The following LRRTM4 variants were observed in gnomAD, a reference collection of about 807,000 sequenced individuals.
LRRTM4 encodes the protein leucine rich repeat transmembrane neuronal 4.
Under a neutral mutation model 47.6 loss-of-function variants are expected in LRRTM4, and 25 were observed. The ratio of observed to expected loss-of-function variants is 0.53; its 90% CI spans 0.38 to 0.73. LRRTM4 has a LOEUF of 0.73. LRRTM4 is among the 30% of genes least tolerant of loss of function. LRRTM4 has a pLI of 0.00. For missense variants in LRRTM4, 638 were observed against 713.4 expected (o/e 0.89, Z 1.20); for synonymous variants, 311 against 269.5 (o/e 1.15, Z -1.51).
intron 3 of LRRTM4, among the ~76,000 whole-genome samples, chr2:77,387,142 C>T (rs1367585503): frequency 6.6e-6 from 1 of 151,762 alleles, no homozygotes; most frequent in Non-Finnish European, 1.5e-5. Context: ...TATGGAGACG[C>T]TTTAAGAATT....
chr2:77,220,063 T>C (rs1674575135), intron 3 of LRRTM4, among the ~76,000 whole-genome samples: 1 of 152,112 alleles, frequency 6.6e-6, no homozygotes, highest in African/African-American at 2.4e-5. Flanking sequence ...TCTGCTGTTC[T>C]GCAACCACCG....
At chr2:76,998,487 C>T (rs1677284900) in intron 3 of LRRTM4, among the ~76,000 whole-genome samples, 13 of 151,992 alleles carry the variant, frequency 8.6e-5, no homozygotes, top group Non-Finnish European at 1.5e-5. Context: ...TGCACACACA[C>T]CACCCCTCCC....
chr2:76,756,742 C>A (rs1229423354), intron 3 of LRRTM4, among the ~76,000 whole-genome samples: 1 of 152,038 alleles, frequency 6.6e-6, no homozygotes, highest in Non-Finnish European at 1.5e-5. Context: ...ACACAAAAAT[C>A]TCCCTCCCTA....
chr2:77,332,609 A>G (rs1323093475), intron 3 of LRRTM4, among the ~76,000 whole-genome samples: 2 of 152,206 alleles, frequency 1.3e-5, no homozygotes, highest in Non-Finnish European at 2.9e-5. Context: ...TTAGAGATCA[A>G]TCAGAGAATA....
chr2:77,176,723 A>G (rs574029496), intron 3 of LRRTM4, among the ~76,000 whole-genome samples: 3 of 152,240 alleles, frequency 2.0e-5, no homozygotes, highest in African/African-American at 7.2e-5. Context: ...TAGGAAACTG[A>G]TTTTACATAT....
intron 3 of LRRTM4, among the ~76,000 whole-genome samples, chr2:76,954,165 C>T (rs371528230): frequency 6.6e-6 from 1 of 151,748 alleles, no homozygotes; most frequent in African/African-American, 2.4e-5. Flanking sequence ...CACAATGTTA[C>T]ACGGCATGTA....
At chr2:77,163,870 G>C (rs993729656) in intron 3 of LRRTM4, among the ~76,000 whole-genome samples, 1 of 152,168 alleles carries the variant, frequency 6.6e-6, no homozygotes, top group Non-Finnish European at 1.5e-5. Flanking sequence ...AAATTGTAAA[G>C]ACCTTCAATG....
At chr2:77,412,253 A>G (rs1674472291) in intron 3 of LRRTM4, among the ~76,000 whole-genome samples, 1 of 152,244 alleles carries the variant, frequency 6.6e-6, no homozygotes, top group Non-Finnish European at 1.5e-5. Flanking sequence ...AGTTCGCAGT[A>G]CAATCAAGAT....
intron 3 of LRRTM4, among the ~76,000 whole-genome samples, chr2:77,021,612 T>A (rs1163118162): frequency 3.3e-5 from 5 of 152,100 alleles, no homozygotes; most frequent in Non-Finnish European, 7.4e-5. Context: ...TAGAGAAAGA[T>A]CTCCAGTTAT....
At chr2:77,073,656 G>T (rs1680237595) in intron 3 of LRRTM4, among the ~76,000 whole-genome samples, 1 of 151,936 alleles carries the variant, frequency 6.6e-6, no homozygotes, top group Admixed American at 6.6e-5. Flanking sequence ...CAAATACATT[G>T]AAAAATATGG....
intron 3 of LRRTM4, among the ~76,000 whole-genome samples, chr2:77,385,980 A>T (rs1000555915): frequency 6.6e-6 from 1 of 151,466 alleles, no homozygotes; most frequent in African/African-American, 2.4e-5. Flanking sequence ...TGATCTCGAA[A>T]TCCTGACCTC....
intron 3 of LRRTM4, among the ~76,000 whole-genome samples, chr2:76,965,562 T>C (rs1051615435): frequency 6.6e-6 from 1 of 151,316 alleles, no homozygotes; most frequent in Non-Finnish European, 1.5e-5. Context: ...CTAAAGTAAA[T>C]ACATACTTGC....
At chr2:76,893,133 A>G (rs114354703) in intron 3 of LRRTM4, among the ~76,000 whole-genome samples, 1,831 of 151,764 alleles carry the variant, frequency 0.012, 38 homozygotes, top group African/African-American at 0.042. Flanking sequence ...CAACCATCAA[A>G]TGATATTAAA....
chr2:76,812,431 TA>T (rs1225966786), intron 3 of LRRTM4, among the ~76,000 whole-genome samples: 1 of 152,186 alleles, frequency 6.6e-6, no homozygotes, highest in Non-Finnish European at 1.5e-5. Flanking sequence ...GCCCTGGCAG[TA>T]AATTCTCCAT....
At chr2:76,906,654 C>A (rs1558729314) in intron 3 of LRRTM4, among the ~76,000 whole-genome samples, 1 of 152,010 alleles carries the variant, frequency 6.6e-6, no homozygotes, top group Non-Finnish European at 1.5e-5. Flanking sequence ...GGAGGAAGAT[C>A]TACCAAGCCA....
At chr2:76,805,062 C>T (rs1675902084) in intron 3 of LRRTM4, among the ~76,000 whole-genome samples, 1 of 152,062 alleles carries the variant, frequency 6.6e-6, no homozygotes, top group Non-Finnish European at 1.5e-5. Context: ...AAAGCCCGTT[C>T]TTCTCAAAAC....
At chr2:77,222,758 A>G (rs925739667) in intron 3 of LRRTM4, among the ~76,000 whole-genome samples, 2 of 152,182 alleles carry the variant, frequency 1.3e-5, no homozygotes, top group Non-Finnish European at 2.9e-5. Context: ...ATGGATTCAC[A>G]GCCGAATTCT....
intron 3 of LRRTM4, among the ~76,000 whole-genome samples, chr2:76,977,063 A>G (rs1271122014): frequency 1.3e-5 from 2 of 151,446 alleles, no homozygotes; most frequent in African/African-American, 4.8e-5. Flanking sequence ...GTGTACATAG[A>G]TTTTTCTCAC....
intron 3 of LRRTM4, among the ~76,000 whole-genome samples, chr2:77,447,924 T>C (rs1676116207): frequency 6.6e-6 from 1 of 152,180 alleles, no homozygotes; most frequent in African/African-American, 2.4e-5. Context: ...GTGGGGATTT[T>C]AGCATTTTAT....
Sources: gnomAD v4.1 joint callset for allele counts (sites outside exome capture counted in the v4.1 genomes callset) on GRCh38, gnomAD v4.1.1 for gene constraint, MANE v1.5 for transcripts, NCBI Gene and HGNC (gene_info 2026-07-23, HGNC 2026-07-21) for gene names.